CLPB: variants seen among roughly 807,000 people sequenced by gnomAD.
CLPB encodes the protein mitochondrial disaggregase.
Under a neutral mutation model 78.4 loss-of-function variants are expected in CLPB, and 40 were observed. The ratio of observed to expected loss-of-function variants is 0.51; its 90% confidence interval spans 0.40 to 0.66. The LOEUF (loss-of-function observed/expected upper bound fraction) is 0.66. CLPB is among the 30% of genes least tolerant of loss of function. CLPB has a pLI of 0.00. For synonymous variants in CLPB, 333 were observed against 348.0 expected (o/e 0.96, Z 0.48); for missense variants, 780 against 886.9 (o/e 0.88, Z 1.53).
intron 3 of CLPB, among the ~76,000 whole-genome samples, chr11:72,400,420 A>T (rs1266609378): frequency 1.3e-5 from 2 of 152,244 alleles, no homozygotes; most frequent in Non-Finnish European, 2.9e-5. Context: ...ACAGCTCTGG[A>T]TAAAGACAGA....
At chr11:72,378,261 G>T (rs1006474426) in intron 4 of CLPB, among the ~76,000 whole-genome samples, 1 of 152,188 alleles carries the variant, frequency 6.6e-6, no homozygotes, top group African/African-American at 2.4e-5. Context: ...TTGCTTTTTG[G>T]TGAGAGCACC....
intron 4 of CLPB, among the ~76,000 whole-genome samples, chr11:72,379,558 C>T (rs911103910): frequency 1.8e-4 from 27 of 152,310 alleles, no homozygotes; most frequent in African/African-American, 6.5e-4. Flanking sequence ...AACCCAAACA[C>T]CTGCCTTGGA....
chr11:72,420,989 A>G (rs1196754003), intron 2 of CLPB, among the ~76,000 whole-genome samples: 3 of 152,210 alleles, frequency 2.0e-5, no homozygotes, highest in Admixed American at 2.0e-4. Flanking sequence ...GAGAAACCCC[A>G]TATGTACTAA....
chr11:72,354,740 T>G (rs1590836664), intron 5 of CLPB: 2 of 167,168 alleles, frequency 1.2e-5, no homozygotes, highest in Non-Finnish European at 2.6e-5. Flanking sequence ...CGGTTGGGAG[T>G]AGAAGACTGG....
Position 72,376,371 on chromosome 11 carries a change from G to A in CLPB, c.646+3910C>T, listed in dbSNP as rs572833668. On this transcript the variant is annotated intron_variant, in intron 4 of 15. Coordinates refer to ENST00000538039, the MANE Select transcript of CLPB (RefSeq NM_001258392.3). The stretch of plus-strand genomic sequence containing the variant: ...GAAAAAGGAAAGACATGGTTAAGAC[G>A]AAGCTAAAGGCTTAGGCTGATGAGA... 3.9e-5 allele frequency among the ~76,000 whole-genome samples: 6 copies of A among 152,136 alleles called. No homozygotes were observed. The South Asian group carries it at 1.0e-3, about 26-fold the overall frequency.
At chr11:72,294,537 G>C in intron 13 of CLPB, 83 bp downstream of exon 13, 1 of 1,609,652 alleles carries the variant, frequency 6.2e-7, no homozygotes, top group Non-Finnish European at 8.5e-7. Context: ...GGAAATTATG[G>C]GGCTTCCAGA....
chr11:72,347,035 G>T (rs1382480884), intron 5 of CLPB, among the ~76,000 whole-genome samples: 1 of 147,340 alleles, frequency 6.8e-6, no homozygotes, highest in Non-Finnish European at 1.5e-5. Flanking sequence ...AACACATTTT[G>T]ACAGTATTAG....
At chr11:72,402,837 C>T (rs574444278) in intron 3 of CLPB, 129 bp downstream of exon 3, 2 of 696,114 alleles carry the variant, frequency 2.9e-6, no homozygotes, top group East Asian at 2.6e-5. Flanking sequence ...AAGTCCAGTA[C>T]CTCAGTCTGA....
intron 11 of CLPB, among the ~76,000 whole-genome samples, chr11:72,297,897 G>A (rs1024748277): frequency 5.9e-5 from 9 of 152,134 alleles, no homozygotes; most frequent in Admixed American, 6.5e-5. Flanking sequence ...GGGAGCAGGT[G>A]CAGTGCATGA....
intron 5 of CLPB, among the ~76,000 whole-genome samples, chr11:72,346,657 G>A (rs1950520174): frequency 6.6e-6 from 1 of 151,534 alleles, no homozygotes; most frequent in African/African-American, 2.4e-5. Flanking sequence ...ACATAACTAA[G>A]CCTATAATAA....
chr11:72,409,146 C>T (rs1311916633), intron 2 of CLPB, among the ~76,000 whole-genome samples: 1 of 152,158 alleles, frequency 6.6e-6, no homozygotes, highest in Admixed American at 6.5e-5. Context: ...GCAGGGTGGG[C>T]ATAGTGGGCC....
chr11:72,423,480 T>C lies in CLPB; in HGVS notation c.455+6832A>G, dbSNP rs73530765. On this transcript the variant is annotated intron_variant, in intron 2 of 15. Coordinates refer to ENST00000538039, the MANE Select transcript of CLPB (RefSeq NM_001258392.3). ...CATTGTCCTAACCATCACCAAGTCCTATCTAGTTTACTTCCTCCATCTCTG... is the reference window on the plus strand; with the variant it reads ...CATTGTCCTAACCATCACCAAGTCCCATCTAGTTTACTTCCTCCATCTCTG... Among the ~76,000 whole-genome samples, 1,421 of 152,344 alleles carry C rather than the reference T, an allele frequency of 9.3e-3. 9 individuals carry two copies. The highest frequency in any genetic ancestry group is 0.033 in the African/African-American group (1,357 of 41,572).
At chr11:72,328,883 G>A (rs943252530) in intron 6 of CLPB, among the ~76,000 whole-genome samples, 3 of 151,088 alleles carry the variant, frequency 2.0e-5, no homozygotes, top group African/African-American at 7.4e-5. Flanking sequence ...TGAAACTTGT[G>A]GCAACAGCAG....
At position 72,400,306 on chromosome 11, in the gene CLPB, A is replaced by G. The variant is rs1161673951; in HGVS notation, c.542+2660T>C. On this transcript the variant is annotated intron_variant, in intron 3 of 15. Coordinates refer to ENST00000538039, the MANE Select transcript of CLPB (RefSeq NM_001258392.3). ...CAGTAAAAATCTGTCCTCCCTGGAT[A>G]GTGGAAGAGAAGGTCACAAAATGGA... 2.6e-5 allele frequency among the ~76,000 whole-genome samples: 4 copies of G among 152,292 alleles called. No homozygotes were observed. In the East Asian group the frequency reaches 7.7e-4, roughly 29 times the overall value.
chr11:72,364,913 T>TA (rs1249607457), intron 4 of CLPB, among the ~76,000 whole-genome samples: 2 of 152,086 alleles, frequency 1.3e-5, no homozygotes, highest in African/African-American at 2.4e-5. Flanking sequence ...AAACCTAATT[T>TA]AAAAAATGGA....
intron 2 of CLPB, among the ~76,000 whole-genome samples, chr11:72,411,032 C>T (rs1855861827): frequency 6.6e-6 from 1 of 152,202 alleles, no homozygotes; most frequent in East Asian, 1.9e-4. Flanking sequence ...ATCCCCTGTG[C>T]TAACCTGTAT....
At chr11:72,433,596 G>C (rs1001595378) in intron 1 of CLPB, among the ~76,000 whole-genome samples, 1 of 149,314 alleles carries the variant, frequency 6.7e-6, no homozygotes, top group African/African-American at 2.5e-5. Context: ...AATAAATTGA[G>C]GTCAAGCTGG....
rs763108424 is a variant in CLPB, at chr11:72,430,261, C to T, written c.455+51G>A. 5.8e-6 allele frequency: 9 copies of T among 1,553,034 alleles called. No individual in the cohort carries two copies. In the South Asian group the frequency reaches 1.0e-4, roughly 18 times the overall value. ...AAGTCATCACACGAGAAGAGGCTCG[C>T]CCTGCTCAGCCTCTCCTGTAGGGGA... On this transcript the variant is annotated intron_variant, in intron 2 of 15. Transcript: ENST00000538039.
intron 4 of CLPB, among the ~76,000 whole-genome samples, chr11:72,360,185 T>C (rs1367981368): frequency 1.3e-5 from 2 of 152,094 alleles, no homozygotes; most frequent in Non-Finnish European, 2.9e-5. Context: ...TTTGTAGGGG[T>C]AGAATTTGGG....
Sources: allele counts gnomAD v4.1 joint callset (sites outside exome capture counted in the v4.1 genomes callset), GRCh38; gene constraint gnomAD v4.1.1; transcripts MANE v1.5; gene names NCBI Gene and HGNC (gene_info 2026-07-23, HGNC 2026-07-21).